The following SVIL variants were observed in gnomAD, a reference collection of about 807,000 sequenced individuals.
SVIL encodes supervillin.
In SVIL, 101 loss-of-function variants were observed where a neutral mutation model predicts 240.4. The observed-to-expected ratio is 0.42, with a 90% CI of 0.36 to 0.50. SVIL has a LOEUF of 0.50. SVIL is among the 20% of genes least tolerant of loss of function. The pLI is 0.01. For missense variants in SVIL, 2,512 were observed against 2,818.7 expected (o/e 0.89, Z 2.46); for synonymous variants, 999 against 1,100.0 (o/e 0.91, Z 1.82).
intron 1 of SVIL, among the ~76,000 whole-genome samples, chr10:29,700,531 T>C (rs888309448): frequency 1.5e-4 from 22 of 143,854 alleles, no homozygotes; most frequent in Admixed American, 8.3e-4. Flanking sequence ...AGTGCAGTAG[T>C]GCGATCTCAG....
intron 6 of SVIL, among the ~76,000 whole-genome samples, chr10:29,537,585 T>C (rs972251642): frequency 1.3e-5 from 2 of 152,204 alleles, no homozygotes; most frequent in African/African-American, 4.8e-5. Flanking sequence ...CTAGTTACAA[T>C]GTTTACCAGC....
intron 1 of SVIL, among the ~76,000 whole-genome samples, chr10:29,691,212 A>T (rs938388569): frequency 6.3e-5 from 9 of 142,520 alleles, no homozygotes; most frequent in East Asian, 2.0e-4. Flanking sequence ...ATAATGAATA[A>T]TTTTTTTTTT....
At chr10:29,645,564 C>T (rs546201854) in intron 3 of SVIL, among the ~76,000 whole-genome samples, 3 of 151,970 alleles carry the variant, frequency 2.0e-5, no homozygotes, top group Non-Finnish European at 2.9e-5. Context: ...AGTGAAACTC[C>T]GTCTCAAAAA....
At chr10:29,602,803 T>C (rs1029528114) in intron 1 of SVIL, among the ~76,000 whole-genome samples, 2 of 152,174 alleles carry the variant, frequency 1.3e-5, no homozygotes, top group African/African-American at 2.4e-5. Flanking sequence ...CTGGTCAACA[T>C]GGTGAAACCC....
chr10:29,545,873 A>G (rs1350934628), intron 6 of SVIL, among the ~76,000 whole-genome samples: 3 of 150,226 alleles, frequency 2.0e-5, no homozygotes, highest in Non-Finnish European at 4.4e-5. Flanking sequence ...AAAAAAAAAA[A>G]AAAAAAGAAA....
intron 13 of SVIL, among the ~76,000 whole-genome samples, chr10:29,525,014 G>A (rs1366334838): frequency 6.6e-6 from 1 of 152,106 alleles, no homozygotes; most frequent in Non-Finnish European, 1.5e-5. Context: ...TAGACAGAGA[G>A]GCGGCATTGT....
At chr10:29,479,317 A>G (rs1946573508) in intron 29 of SVIL, among the ~76,000 whole-genome samples, 1 of 152,226 alleles carries the variant, frequency 6.6e-6, no homozygotes, top group Non-Finnish European at 1.5e-5. Context: ...ACTCCCTGCT[A>G]GCTGTGTGGC....
chr10:29,564,653 CCA>C (rs34133467), intron 2 of SVIL, among the ~76,000 whole-genome samples: 9,740 of 152,258 alleles, frequency 0.064, 367 homozygotes, highest in Admixed American at 0.12. Flanking sequence ...GAAAGAACTT[CCA>C]CACAGTCCAA....
chr10:29,636,651 C>G (rs1958319998), upstream of SVIL, among the ~76,000 whole-genome samples: 1 of 152,174 alleles, frequency 6.6e-6, no homozygotes, highest in South Asian at 2.1e-4. Flanking sequence ...ATCTGCCTGG[C>G]TTAGAAGACT....
At chr10:29,736,372 C>CG (rs1368680971), upstream of SVIL, among the ~76,000 whole-genome samples, 1 of 152,244 alleles carries the variant, frequency 6.6e-6, no homozygotes, top group Non-Finnish European at 1.5e-5. Context: ...CACGCCCCCC[C>CG]GGTCCCAGGG....
chr10:29,540,248 C>T (rs1196221304), intron 6 of SVIL, among the ~76,000 whole-genome samples: 2 of 152,182 alleles, frequency 1.3e-5, no homozygotes, highest in African/African-American at 4.8e-5. Context: ...TCTGTGGTCT[C>T]ACTAACATCA....
intron 17 of SVIL, among the ~76,000 whole-genome samples, chr10:29,509,358 A>AGAG (rs758137005): frequency 0.075 from 9,647 of 128,820 alleles, 757 homozygotes; most frequent in Non-Finnish European, 0.11. Context: ...AGAGAGAGAG[A>AGAG]GAGAGAGAGA....
At chr10:29,460,408 C>T (rs781560895) in intron 36 of SVIL, among the ~76,000 whole-genome samples, 31 of 152,094 alleles carry the variant, frequency 2.0e-4, no homozygotes, top group Non-Finnish European at 3.7e-4. Flanking sequence ...TAAATGGCCC[C>T]GCTGCTAACC....
chr10:29,582,111 T>C (rs1437097121), intron 1 of SVIL, among the ~76,000 whole-genome samples: 4 of 152,172 alleles, frequency 2.6e-5, no homozygotes, highest in South Asian at 4.1e-4. Flanking sequence ...TTTGGAATGA[T>C]GAAAAAGTTC....
intron 36 of SVIL, among the ~76,000 whole-genome samples, chr10:29,460,138 T>TACTG (rs1359011616): frequency 6.6e-6 from 1 of 152,084 alleles, no homozygotes; most frequent in African/African-American, 2.4e-5. Context: ...TGCGTCTGAG[T>TACTG]ACTGACTCCT....
Position 29,486,107 on chromosome 10 carries a change from C to A in SVIL, c.4757G>T (p.Cys1586Phe). ...TACCTCTTTGGGTTGCAGAAGGGAGCACTTCGGAATTTTCCCCCAGTAGTC... is the reference window on the plus strand; with the variant it reads ...TACCTCTTTGGGTTGCAGAAGGGAGAACTTCGGAATTTTCCCCCAGTAGTC... Reference protein sequence around the residue: ...DDDYWGKIPKCSLLQPKEVLV... With the variant: ...DDDYWGKIPKFSLLQPKEVLV... Residue 1586 changes from cysteine (C) to phenylalanine (F), a missense_variant, in exon 26 of 38, where the codon TGC becomes TTC. Physicochemically the swap from Cys to Phe is radical, Grantham distance 205. Around this residue, in one of 3 missense-constraint regions of SVIL, gnomAD observed 797 missense variants for 925.3 expected, o/e 0.86. Coordinates refer to ENST00000355867, the MANE Select transcript of SVIL (RefSeq NM_021738.3). 1 of 1,614,224 alleles carries A rather than the reference C, an allele frequency of 6.2e-7. No homozygotes were observed. The highest frequency in any genetic ancestry group is 8.5e-7 in the Non-Finnish European group (1 of 1,180,038).
chr10:29,578,120 T>C (rs975734970), intron 1 of SVIL, among the ~76,000 whole-genome samples: 1 of 152,172 alleles, frequency 6.6e-6, no homozygotes, highest in African/African-American at 2.4e-5. Context: ...CATTACTGAT[T>C]TGAAAAATTT....
At chr10:29,552,712 G>T (rs371075990) in intron 5 of SVIL, among the ~76,000 whole-genome samples, 1 of 151,740 alleles carries the variant, frequency 6.6e-6, no homozygotes, top group South Asian at 2.1e-4. Context: ...AAATATTCAT[G>T]TATCTTTTCC....
At chr10:29,522,756 C>A in intron 15 of SVIL, 121 bp from the exon 16 acceptor site, 1 of 1,111,174 alleles carries the variant, frequency 9.0e-7, no homozygotes, top group Non-Finnish European at 1.3e-6. Flanking sequence ...GTGACCCAAT[C>A]CACTGGGATT....
Sources: gnomAD v4.1 joint callset for allele counts (sites outside exome capture counted in the v4.1 genomes callset) on GRCh38, gnomAD v4.1.1 for gene constraint, gnomAD v4.1.1 regional missense constraint, MANE v1.5 for transcripts, NCBI Gene and HGNC (gene_info 2026-07-23, HGNC 2026-07-21) for gene names.